Variants in NPC1 observed in about 807,000 individuals in gnomAD.
NPC1 encodes NPC intracellular cholesterol transporter 1, also known as Niemann-Pick C1 protein.
NPC1 carries 85 observed loss-of-function variants against 140.4 expected under a neutral mutation model. The ratio of observed to expected loss-of-function variants is 0.61; its 90% CI spans 0.51 to 0.72. The LOEUF is 0.72. Ranked by LOEUF, NPC1 falls within the 30% of genes least tolerant of loss-of-function variation. The pLI is 0.00. For missense variants in NPC1, 1,504 were observed against 1,623.8 expected (o/e 0.93, Z 1.27); for synonymous variants, 656 against 624.8 (o/e 1.05, Z -0.74).
intron 4 of NPC1, among the ~76,000 whole-genome samples, chr18:23,567,320 AT>A (rs1169220266): frequency 6.6e-6 from 1 of 152,174 alleles, no homozygotes; most frequent in Non-Finnish European, 1.5e-5. Context: ...AGCGTCTTGA[AT>A]TTTTGCCATT....
intron 18 of NPC1, 155 bp downstream of exon 18, chr18:23,539,656 G>GT: frequency 5.4e-6 from 5 of 922,696 alleles, no homozygotes; most frequent in Non-Finnish European, 6.8e-6. Flanking sequence ...CCTTTCAAAG[G>GT]TTTTTTAAGG....
At chr18:23,514,024 C>T (rs945197532) in intron 3 of NPC1, among the ~76,000 whole-genome samples, 13 of 152,204 alleles carry the variant, frequency 8.5e-5, no homozygotes, top group Admixed American at 7.9e-4. Context: ...TGTTTCTTTT[C>T]ATCTGTTCCA....
chr18:23,572,496 T>TA (rs909843871), intron 2 of NPC1, among the ~76,000 whole-genome samples: 1 of 152,204 alleles, frequency 6.6e-6, no homozygotes, highest in African/African-American at 2.4e-5. Context: ...CTATTTCTAT[T>TA]AGTAATTCCA....
At chr18:23,519,032 C>A, downstream of NPC1, 2 of 1,612,166 alleles carry the variant, frequency 1.2e-6, no homozygotes, top group Non-Finnish European at 1.7e-6. Context: ...ATGTGAACTG[C>A]AGCTTGTTGA....
At position 23,545,236 on chromosome 18, in the gene NPC1, G is replaced by A. The variant is rs1459316019; in HGVS notation, c.1758-87C>T. The A allele has an allele frequency of 5.0e-6, 5 of 1,007,608 alleles. No homozygotes were observed. In the African/African-American group the frequency reaches 8.0e-5, roughly 16 times the overall value. 62.4% of individuals were successfully genotyped at this position (1,007,608 alleles called of 1,614,324 possible). A position where few individuals can be genotyped will look rare whatever the true frequency, so the allele number is the denominator to read the frequency against. On this transcript the variant is annotated intron_variant, in intron 11 of 24. Transcript: ENST00000269228. ...TCTCCCTAACTTTCACGATACAAAG[G>A]CCACGTTTTCTTTTTTTTGGTTTTG...
chr18:23,526,452 CGCTCCTGAATT>C (rs949123019), downstream of NPC1, among the ~76,000 whole-genome samples: 30 of 152,254 alleles, frequency 2.0e-4, no homozygotes, highest in Admixed American at 1.6e-3. Flanking sequence ...GTGGTAGACA[CGCTCCTGAATT>C]GCTCCTGAAT....
chr18:23,563,659 C>A lies in NPC1; in HGVS notation c.464-2132G>T, dbSNP rs535879931. On this transcript the variant is annotated intron_variant, in intron 4 of 24. Coordinates refer to ENST00000269228, the MANE Select transcript of NPC1 (RefSeq NM_000271.5). The stretch of plus-strand genomic sequence containing the variant: ...AAACTCCTGAGCTAAGGTGATCCAC[C>A]TGCCTTGGCCGTCCGAAGTGCTGGA... Among the ~76,000 whole-genome samples the A allele has an allele frequency of 2.4e-4, 36 of 152,334 alleles. No individual in the cohort carries two copies. In the South Asian group the frequency reaches 6.4e-3, roughly 27 times the overall value.
intron 2 of NPC1, among the ~76,000 whole-genome samples, chr18:23,572,672 A>G (rs1019055285): frequency 1.4e-4 from 21 of 151,354 alleles, no homozygotes; most frequent in Non-Finnish European, 1.5e-4. Flanking sequence ...CATCTCCCCA[A>G]ATTTTTAAAA....
At chr18:23,534,058 A>C (rs1322989441) in intron 23 of NPC1, 6 of 359,288 alleles carry the variant, frequency 1.7e-5, no homozygotes, top group Non-Finnish European at 3.1e-5. Flanking sequence ...TTTACCAGGT[A>C]TTTTCTACAG....
At chr18:23,509,300 G>A in intron 3 of NPC1, 1 of 1,287,532 alleles carries the variant, frequency 7.8e-7, no homozygotes, top group Non-Finnish European at 1.0e-6. Context: ...TATCATTTAT[G>A]TTTGTTGGTT....
At chr18:23,554,386 G>A (rs1164694790) in intron 9 of NPC1, among the ~76,000 whole-genome samples, 7 of 152,210 alleles carry the variant, frequency 4.6e-5, no homozygotes, top group South Asian at 2.1e-4. Flanking sequence ...TGGGCGGATC[G>A]CCTGAGGTCA....
Position 23,539,858 on chromosome 18 carries a change from A to C in NPC1, c.2748T>G (p.Asn916Lys), listed in dbSNP as rs1270245521. 3 of 1,614,190 alleles carry C rather than the reference A, an allele frequency of 1.9e-6. No individual in the cohort carries two copies. The highest frequency in any genetic ancestry group is 1.7e-5 in the Admixed American group (1 of 60,020). ...TAAATATCTGCTGCACCAGGGAATC[A>C]TTGTTGCAGCCCATGCCGCCGCACA... ...NMVCGGMGCN[N>K]DSLVQQIFNA... The change falls in exon 18 of 25, where the codon AAT becomes AAG. Residue 916 changes from asparagine (N) to lysine (K), a missense_variant. Asn to Lys is a moderately conservative substitution (Grantham distance 94). Transcript: ENST00000269228.
chr18:23,524,199 C>T lies in NPC1; in HGVS notation c.164-1293G>A, dbSNP rs201899092. On this transcript the variant is annotated intron_variant, in intron 1 of 1. Transcript: ENST00000590723. ...TGTATCCTTTACTAAGGTGTGGCAC[C>T]GTGCACAACAGGGCAAGTGGTCACC... The T allele has an allele frequency of 6.3e-5, 102 of 1,612,194 alleles. 2 individuals carry two copies. In the East Asian group the frequency reaches 1.7e-3, roughly 26 times the overall value.
intron 4 of NPC1, among the ~76,000 whole-genome samples, chr18:23,562,561 T>C (rs2059059023): frequency 6.6e-6 from 1 of 152,160 alleles, no homozygotes; most frequent in Admixed American, 6.5e-5. Flanking sequence ...TTAACTAGGG[T>C]GACAGTCATC....
chr18:23,549,557 C>T (rs527333462), intron 10 of NPC1, among the ~76,000 whole-genome samples: 6 of 151,900 alleles, frequency 3.9e-5, no homozygotes, highest in African/African-American at 1.2e-4. Flanking sequence ...AAGAATTGCT[C>T]GAACCTGGGA....
intron 20 of NPC1, among the ~76,000 whole-genome samples, chr18:23,537,320 G>A (rs1337847356): frequency 6.6e-6 from 1 of 152,148 alleles, no homozygotes; most frequent in Non-Finnish European, 1.5e-5. Context: ...CAGGTGATCC[G>A]CCCACCTCGG....
chr18:23,551,660 C>A lies in NPC1; in HGVS notation c.1621G>T (p.Val541Leu). The A allele has an allele frequency of 6.2e-7, 1 of 1,614,180 alleles. No homozygotes were observed. Among genetic ancestry groups the A allele is most frequent in the Non-Finnish European group, 8.5e-7 (1 of 1,179,990 alleles). ...CCTCCCAACACAAGCCACGGGAACA[C>A]TGGTCCACCAAACGTACCCAGACAA... ...DPCLGTFGGP[V>L]FPWLVLGGYD... Residue 541 changes from valine (V) to leucine (L), a missense_variant, in exon 10 of 25, where the codon GTG becomes TTG. Val to Leu is a conservative substitution (Grantham distance 32). Coordinates refer to ENST00000269228, the MANE Select transcript of NPC1 (RefSeq NM_000271.5).
intron 11 of NPC1, among the ~76,000 whole-genome samples, chr18:23,546,245 T>C (rs2058787119): frequency 1.3e-5 from 1 of 75,778 alleles, no homozygotes; most frequent in African/African-American, 5.7e-5. Context: ...CAAGACTCTG[T>C]CTCAAAAAAA....
In NPC1 at chr18:23,535,496, G is replaced by A. The variant is rs34715591; in HGVS notation, c.3450C>T (p.Asn1150=). 9.0e-4 allele frequency: 1,444 copies of A among 1,613,406 alleles called. 7 individuals are homozygous for A. The African/African-American group carries it at 0.011, about 13-fold the overall frequency. The change falls in exon 22 of 25, where the codon AAC becomes AAT. Residue 1150 remains asparagine (N), a synonymous_variant. Transcript: ENST00000269228. The stretch of plus-strand genomic sequence containing the variant: ...TCACCAGGTTGACCAAGGATACAGC[G>A]TTCAGACTGATGCCCCAGAGCCACA... ...GVMWLWGISL[N]AVSLVNLVMS...
Sources: allele counts gnomAD v4.1 joint callset (sites outside exome capture counted in the v4.1 genomes callset), GRCh38; gene constraint gnomAD v4.1.1; transcripts MANE v1.5; gene names NCBI Gene and HGNC (gene_info 2026-07-23, HGNC 2026-07-21).